Variants in ACOX3 observed in about 807,000 individuals in gnomAD.
ACOX3 encodes acyl-CoA oxidase 3, pristanoyl, also known as peroxisomal acyl-coenzyme A oxidase 3.
In ACOX3, 73 loss-of-function variants were observed where a neutral mutation model predicts 81.5. That is an observed-to-expected ratio of 0.90 (90% CI 0.74 to 1.09). The LOEUF (loss-of-function observed/expected upper bound fraction) is 1.09, where lower values mean the gene tolerates loss of function less well. Ranked by LOEUF, ACOX3 falls within the 50% of genes least tolerant of loss-of-function variation. The probability of loss-of-function intolerance (pLI) is 0.00; values close to 1 mark genes in which losing one functional copy is unlikely to be tolerated. For missense variants in ACOX3, 947 were observed against 928.0 expected, an observed-to-expected ratio of 1.02 and a Z score of -0.27; for synonymous variants, 387 against 375.1, an observed-to-expected ratio of 1.03 and a Z score of -0.37.
At chr4:8,371,079 C>T in intron 16 of ACOX3, 85 bp from the exon 17 acceptor site, 3 of 1,301,714 alleles carry the variant, frequency 2.3e-6, no homozygotes, top group Non-Finnish European at 3.3e-6. Context: ...GTGTGGTTGC[C>T]AGGACCCACT....
chr4:8,361,175 G>C, the ACOX3 span, among the ~76,000 whole-genome samples: 184 of 152,098 alleles, frequency 1.2e-3, no homozygotes, highest in Non-Finnish European at 1.9e-3. Context: ...CGTAATCCCA[G>C]CAGTTTGGGA....
intron 14 of ACOX3, among the ~76,000 whole-genome samples, chr4:8,380,987 CCT>C (rs1449586220): frequency 6.6e-6 from 1 of 152,164 alleles, no homozygotes; most frequent in Admixed American, 6.5e-5. Flanking sequence ...CTATTTTTTC[CCT>C]GTGGCTTCCT....
chr4:8,424,476 G>C (rs1723254990), intron 1 of ACOX3, among the ~76,000 whole-genome samples: 1 of 152,220 alleles, frequency 6.6e-6, no homozygotes, highest in African/African-American at 2.4e-5. Context: ...CTGATGTAGT[G>C]GCAAAGGGTT....
Position 8,407,344 on chromosome 4 carries a change from G to A in ACOX3, c.688-1301C>T, listed in dbSNP as rs1014526538. On this transcript the variant is annotated intron_variant, in intron 6 of 17. Transcript: ENST00000356406. This position sits in a 1 kb window ranked among gnomAD's most constrained non-coding sequence, Gnocchi z 4.6. Reference sequence around the variant, plus strand: ...TTCTTATTTTATATTTTATTACACTGGAACAGCTCGTGTCCTCAGTCTCTT... The same window carrying A: ...TTCTTATTTTATATTTTATTACACTAGAACAGCTCGTGTCCTCAGTCTCTT... Among the ~76,000 whole-genome samples, 1 of 152,186 alleles carries A rather than the reference G, an allele frequency of 6.6e-6. No homozygotes were observed. The highest frequency in any genetic ancestry group is 2.4e-5 in the African/African-American group (1 of 41,426).
intron 7 of ACOX3, among the ~76,000 whole-genome samples, chr4:8,403,311 G>A (rs1720565695): frequency 6.6e-6 from 1 of 152,216 alleles, no homozygotes; most frequent in Admixed American, 6.5e-5. Context: ...GAAACTGGCT[G>A]GGAAACCCGG....
In ACOX3 at chr4:8,399,408, G is replaced by C. The variant is rs1474171458; in HGVS notation, c.873+148C>G. 1.5e-6 allele frequency: 1 copy of C among 667,976 alleles called. No individual in the cohort carries two copies. Among genetic ancestry groups the C allele is most frequent in the Admixed American group, 2.9e-5 (1 of 34,196 alleles). The allele number at this position is 667,976 out of a possible 1,614,324, so 41.4% of individuals were successfully genotyped here. A position where few individuals can be genotyped will look rare whatever the true frequency, so the allele number is the denominator to read the frequency against. The stretch of plus-strand genomic sequence containing the variant: ...GAGTCCCCTTCTAGCGGGAGCACCA[G>C]AACCCGAGCCAGGAGAAGTATGCCC... On this transcript the variant is annotated intron_variant, in intron 8 of 17. Coordinates refer to ENST00000356406, the MANE Select transcript of ACOX3 (RefSeq NM_003501.3). This position sits in a 1 kb window ranked among gnomAD's most constrained non-coding sequence, Gnocchi z 4.9.
chr4:8,415,129 G>A (rs1722177296), intron 3 of ACOX3, among the ~76,000 whole-genome samples: 1 of 152,236 alleles, frequency 6.6e-6, no homozygotes, highest in African/African-American at 2.4e-5. Flanking sequence ...CTGACACACA[G>A]CTGCCCCGGG....
intron 1 of ACOX3, among the ~76,000 whole-genome samples, chr4:8,426,284 A>C (rs1221283362): frequency 1.3e-5 from 2 of 152,046 alleles, no homozygotes; most frequent in African/African-American, 4.8e-5. Flanking sequence ...ACCCCTAGAT[A>C]CATACTGGGA....
chr4:8,356,646 C>T, the ACOX3 span: 6 of 453,664 alleles, frequency 1.3e-5, no homozygotes, highest in African/African-American at 4.0e-5. Context: ...AGAAAGTGTG[C>T]AGAATGGGGA....
chr4:8,413,957 C>T (rs961934538), intron 5 of ACOX3, among the ~76,000 whole-genome samples: 27 of 152,330 alleles, frequency 1.8e-4, no homozygotes, highest in East Asian at 9.6e-4. Context: ...GCCATGAGAA[C>T]GGTTTATGAA....
intron 1 of ACOX3, among the ~76,000 whole-genome samples, chr4:8,418,368 A>G (rs1049956231): frequency 6.6e-6 from 1 of 151,366 alleles, no homozygotes; most frequent in Non-Finnish European, 1.5e-5. Flanking sequence ...CTGAGGCAGG[A>G]GAATCGCTTG....
At chr4:8,396,679 G>GAA (rs531424752) in intron 9 of ACOX3, among the ~76,000 whole-genome samples, 3,138 of 100,600 alleles carry the variant, frequency 0.031, 43 homozygotes, top group Non-Finnish European at 0.043. Context: ...CTCCGTCTGG[G>GAA]AAAAAAAAAA....
rs377440237 is a variant in ACOX3, at chr4:8,399,534, G to T, written c.873+22C>A. ...AAGGCACCTGGGAAGCACGGCACAC[G>T]AACGGCCCCCCATGCCTGTACCTTA... On this transcript the variant is annotated intron_variant, in intron 8 of 17. Coordinates refer to ENST00000356406, the MANE Select transcript of ACOX3 (RefSeq NM_003501.3). The surrounding 1 kb of genome is among the most constrained non-coding windows in gnomAD (Gnocchi z 4.9). 3.6e-5 allele frequency: 58 copies of T among 1,594,136 alleles called. No homozygotes were observed. The highest frequency in any genetic ancestry group is 4.6e-5 in the Non-Finnish European group (54 of 1,162,336).
rs2108981062 is a variant in ACOX3 at position 8,415,355 on chromosome 4, G to C, written c.378+411C>G. On this transcript the variant is annotated intron_variant, in intron 3 of 17. Transcript: ENST00000356406. Reference sequence around the variant, plus strand: ...ATTTTGCCCAAGCTCAGCTCTGCTGGTATGTTACAAAGGAAGGAAAAACAC... The same window carrying C: ...ATTTTGCCCAAGCTCAGCTCTGCTGCTATGTTACAAAGGAAGGAAAAACAC... Among the ~76,000 whole-genome samples, 3 of 152,148 alleles carry C rather than the reference G, an allele frequency of 2.0e-5. No individual in the cohort carries two copies. The South Asian group carries it at 6.2e-4, about 32-fold the overall frequency.
rs13434523 is a variant in ACOX3 at position 8,425,220 on chromosome 4, C to A, written c.-14-8685G>T. On this transcript the variant is annotated intron_variant, in intron 1 of 17. Transcript: ENST00000356406. ...AGGAAAGAGAAATAGAAGGGAACCGCGAAGCAGATACTGAAGCCAAAAGAG... is the reference window on the plus strand; with the variant it reads ...AGGAAAGAGAAATAGAAGGGAACCGAGAAGCAGATACTGAAGCCAAAAGAG... Among the ~76,000 whole-genome samples, 162 of 152,064 alleles carry A rather than the reference C, an allele frequency of 1.1e-3. 2 individuals are homozygous for A. The highest frequency in any genetic ancestry group is 3.7e-3 in the African/African-American group (154 of 41,476).
intron 1 of ACOX3, among the ~76,000 whole-genome samples, chr4:8,427,321 G>C (rs1265667105): frequency 6.6e-6 from 1 of 152,186 alleles, no homozygotes; most frequent in African/African-American, 2.4e-5. Context: ...TGGGAGCTCT[G>C]TTTTCACGAT....
intron 7 of ACOX3, among the ~76,000 whole-genome samples, chr4:8,402,156 G>A (rs767709121): frequency 3.9e-5 from 6 of 152,270 alleles, no homozygotes; most frequent in Admixed American, 6.5e-5. Context: ...GAAAGACACA[G>A]CGACAGTTTC....
chr4:8,390,129 T>G (rs1292209382), intron 11 of ACOX3, among the ~76,000 whole-genome samples: 2 of 135,902 alleles, frequency 1.5e-5, no homozygotes, highest in African/African-American at 3.1e-5. Context: ...AAAAAAGCCA[T>G]GAGTTTGAGA....
At chr4:8,436,832 A>C (rs1207500949) in intron 1 of ACOX3, among the ~76,000 whole-genome samples, 2 of 149,304 alleles carry the variant, frequency 1.3e-5, no homozygotes, top group African/African-American at 2.5e-5. Context: ...AAAAAAAAAA[A>C]CACAAAAAAA....
Sources: allele counts gnomAD v4.1 joint callset (sites outside exome capture counted in the v4.1 genomes callset), GRCh38; gene constraint gnomAD v4.1.1; non-coding constraint Gnocchi (gnomAD v3.1); transcripts MANE v1.5; gene names NCBI Gene and HGNC (gene_info 2026-07-23, HGNC 2026-07-21).